The following KCNQ5 variants were observed in gnomAD, a reference collection of about 807,000 sequenced individuals.
KCNQ5 encodes the protein potassium voltage-gated channel subfamily Q member 5.
Under a neutral mutation model 98.2 loss-of-function variants are expected in KCNQ5, and 30 were observed. The observed-to-expected ratio is 0.31, with a 90% CI of 0.23 to 0.41. The LOEUF (loss-of-function observed/expected upper bound fraction) is 0.41, where lower values mean the gene tolerates loss of function less well. KCNQ5 is among the 10% of genes least tolerant of loss of function. KCNQ5 has a pLI of 1.00. For missense variants in KCNQ5, 835 were observed against 1,182.5 expected, an observed-to-expected ratio of 0.71 and a Z score of 4.31; for synonymous variants, 458 against 449.4, an observed-to-expected ratio of 1.02 and a Z score of -0.24.
At chr6:72,654,326 G>A (rs1766031774) in intron 1 of KCNQ5, among the ~76,000 whole-genome samples, 1 of 151,938 alleles carries the variant, frequency 6.6e-6, no homozygotes. Flanking sequence ...ATGGACTGTA[G>A]TCATCTCATG....
At chr6:73,045,979 A>G (rs1421657149) in intron 3 of KCNQ5, among the ~76,000 whole-genome samples, 2 of 152,058 alleles carry the variant, frequency 1.3e-5, no homozygotes, top group Non-Finnish European at 2.9e-5. Context: ...CAAGAGGACA[A>G]AAGAGGAATA....
At chr6:72,894,170 C>T (rs1779160515) in intron 1 of KCNQ5, among the ~76,000 whole-genome samples, 1 of 152,158 alleles carries the variant, frequency 6.6e-6, no homozygotes, top group Non-Finnish European at 1.5e-5. Context: ...TCTCTATTGA[C>T]TCAAATGAGT....
At chr6:72,740,392 A>C (rs1376478943) in intron 1 of KCNQ5, among the ~76,000 whole-genome samples, 2 of 152,172 alleles carry the variant, frequency 1.3e-5, no homozygotes, top group Non-Finnish European at 2.9e-5. Context: ...TTGTCTTGAG[A>C]GAAACATCCC....
chr6:73,157,437 G>A (rs986007961), intron 10 of KCNQ5: 1 of 659,330 alleles, frequency 1.5e-6, no homozygotes, highest in African/African-American at 1.8e-5. Context: ...CCGGGGGCGG[G>A]GGCGGTGGGA....
chr6:72,757,820 T>A (rs1340040742), intron 1 of KCNQ5, among the ~76,000 whole-genome samples: 1 of 152,250 alleles, frequency 6.6e-6, no homozygotes, highest in African/African-American at 2.4e-5. Flanking sequence ...GGATTTAAAT[T>A]CATTTCTAAG....
intron 1 of KCNQ5, among the ~76,000 whole-genome samples, chr6:73,003,114 A>T (rs1419294888): frequency 6.6e-6 from 1 of 152,268 alleles, no homozygotes; most frequent in East Asian, 1.9e-4. Flanking sequence ...TTTGAAACAG[A>T]GCCTTCCCTT....
At chr6:72,867,949 ATAC>A (rs57209403) in intron 1 of KCNQ5, among the ~76,000 whole-genome samples, 34 of 147,358 alleles carry the variant, frequency 2.3e-4, no homozygotes, top group African/African-American at 7.1e-4. Context: ...AATAATACTA[ATAC>A]TACTACTACT....
At chr6:72,831,657 A>ATATGTAT (rs1165396316) in intron 1 of KCNQ5, among the ~76,000 whole-genome samples, 7 of 152,066 alleles carry the variant, frequency 4.6e-5, no homozygotes, top group African/African-American at 1.7e-4. Context: ...GCAGCACACC[A>ATATGTAT]ACATGGCACA....
At chr6:73,019,828 A>G (rs1770510575) in intron 2 of KCNQ5, among the ~76,000 whole-genome samples, 1 of 152,198 alleles carries the variant, frequency 6.6e-6, no homozygotes, top group African/African-American at 2.4e-5. Context: ...AGTCTGATTT[A>G]ATAATTATAA....
intron 7 of KCNQ5, among the ~76,000 whole-genome samples, 183 bp from the exon 8 acceptor site, chr6:73,120,300 A>G (rs1775693393): frequency 6.6e-6 from 1 of 152,254 alleles, no homozygotes. Flanking sequence ...ATGTGGTGCA[A>G]TATGTTTAAC....
At chr6:72,714,398 T>C (rs1353735014) in intron 1 of KCNQ5, among the ~76,000 whole-genome samples, 1 of 152,128 alleles carries the variant, frequency 6.6e-6, no homozygotes, top group Non-Finnish European at 1.5e-5. Flanking sequence ...GTCATAACCC[T>C]TTTGGTAGAA....
At chr6:73,174,138 C>A (rs1298122254) in intron 11 of KCNQ5, among the ~76,000 whole-genome samples, 3 of 149,456 alleles carry the variant, frequency 2.0e-5, no homozygotes, top group Non-Finnish European at 4.4e-5. Context: ...ATTATCCTGT[C>A]AAATTGCTAT....
At chr6:72,659,800 A>T (rs1458596567) in intron 1 of KCNQ5, among the ~76,000 whole-genome samples, 1 of 152,228 alleles carries the variant, frequency 6.6e-6, no homozygotes, top group African/African-American at 2.4e-5. Context: ...GGAGGGATAC[A>T]TTTAGAACAT....
intron 9 of KCNQ5, 188 bp downstream of exon 9, chr6:73,124,700 C>T (rs1775878531): frequency 1.6e-6 from 1 of 611,390 alleles, no homozygotes; most frequent in South Asian, 2.0e-5. Flanking sequence ...GTGTCTTTCC[C>T]TAACTCACTC....
intron 1 of KCNQ5, among the ~76,000 whole-genome samples, chr6:72,745,907 C>T (rs1003832390): frequency 1.4e-4 from 22 of 152,066 alleles, no homozygotes; most frequent in Admixed American, 1.0e-3. Flanking sequence ...TCACTCCGGT[C>T]TCTGCCTCTG....
At chr6:72,924,009 T>G (rs562303443) in intron 1 of KCNQ5, among the ~76,000 whole-genome samples, 2 of 152,230 alleles carry the variant, frequency 1.3e-5, no homozygotes, top group African/African-American at 4.8e-5. Context: ...AATTCAATCA[T>G]AGTTTACTAA....
intron 1 of KCNQ5, among the ~76,000 whole-genome samples, chr6:72,779,610 TAAG>T (rs1020065980): frequency 5.3e-5 from 8 of 151,856 alleles, no homozygotes; most frequent in African/African-American, 1.5e-4. Flanking sequence ...AGGAAAAAAA[TAAG>T]AAGATTAAAC....
At chr6:73,050,701 T>C (rs1772195718) in intron 3 of KCNQ5, among the ~76,000 whole-genome samples, 1 of 152,232 alleles carries the variant, frequency 6.6e-6, no homozygotes, top group South Asian at 2.1e-4. Flanking sequence ...CTAAATAAAC[T>C]TGGAATGATA....
At chr6:72,843,360 G>C (rs531470694) in intron 1 of KCNQ5, among the ~76,000 whole-genome samples, 30 of 152,234 alleles carry the variant, frequency 2.0e-4, no homozygotes, top group African/African-American at 6.0e-4. Context: ...TTTGGTATCA[G>C]TACCATGCTG....
Sources: allele counts gnomAD v4.1 joint callset (sites outside exome capture counted in the v4.1 genomes callset), GRCh38; gene constraint gnomAD v4.1.1; transcripts MANE v1.5; gene names NCBI Gene and HGNC (gene_info 2026-07-23, HGNC 2026-07-21).